The following C2CD3 variants were observed in gnomAD, a reference collection of about 807,000 sequenced individuals.
The protein encoded by C2CD3 is C2 domain-containing protein 3.
Under a neutral mutation model 234.0 loss-of-function variants are expected in C2CD3, and 148 were observed. That is an observed-to-expected ratio of 0.63 (90% confidence interval 0.55 to 0.72). The LOEUF (loss-of-function observed/expected upper bound fraction) is 0.72. Ranked by LOEUF, C2CD3 falls within the 30% of genes least tolerant of loss-of-function variation. The probability of loss-of-function intolerance (pLI) is 0.00; values close to 1 mark genes in which losing one functional copy is unlikely to be tolerated. For missense variants in C2CD3, 2,577 were observed against 2,811.5 expected, an observed-to-expected ratio of 0.92 and a Z score of 1.89; for synonymous variants, 1,000 against 1,035.4, an observed-to-expected ratio of 0.97 and a Z score of 0.66.
chr11:74,166,243 G>T (rs1221294360), intron 2 of C2CD3, among the ~76,000 whole-genome samples: 3 of 151,822 alleles, frequency 2.0e-5, no homozygotes, highest in African/African-American at 7.3e-5. Context: ...CCAGGAAGTG[G>T]GAGGCGGAGC....
At chr11:74,166,071 G>A (rs1203503188) in intron 2 of C2CD3, among the ~76,000 whole-genome samples, 1 of 152,070 alleles carries the variant, frequency 6.6e-6, no homozygotes, top group East Asian at 1.9e-4. Context: ...AGCACTTTGG[G>A]AGGCTGAGGC....
chr11:74,145,888 T>A (rs1855151190), intron 3 of C2CD3, among the ~76,000 whole-genome samples: 1 of 152,242 alleles, frequency 6.6e-6, no homozygotes, highest in Admixed American at 6.5e-5. Context: ...CACCTACCTA[T>A]ATGTCCTGAA....
chr11:74,040,652 A>G (rs997616389), intron 29 of C2CD3, among the ~76,000 whole-genome samples: 1 of 152,034 alleles, frequency 6.6e-6, no homozygotes, highest in African/African-American at 2.4e-5. Context: ...GCTACTTGGG[A>G]GTTTGAGGCA....
At chr11:74,042,840 C>T (rs1953140485) in intron 28 of C2CD3, among the ~76,000 whole-genome samples, 1 of 152,066 alleles carries the variant, frequency 6.6e-6, no homozygotes, top group African/African-American at 2.4e-5. Context: ...ATTTGGCGTC[C>T]TTATTATATG....
intron 31 of C2CD3, among the ~76,000 whole-genome samples, chr11:74,032,573 TA>T (rs1410027439): frequency 2.6e-5 from 4 of 152,148 alleles, no homozygotes; most frequent in Non-Finnish European, 4.4e-5. Flanking sequence ...CTTCCTTTTT[TA>T]AAAAAATTTA....
chr11:74,059,496 C>G (rs17132641), intron 24 of C2CD3, among the ~76,000 whole-genome samples: 11,070 of 151,174 alleles, frequency 0.073, 1,337 homozygotes, highest in African/African-American at 0.26. Context: ...ATCTTTGAGG[C>G]TCCACCCTTT....
chr11:74,133,712 C>T (rs1448875607), intron 5 of C2CD3, 155 bp from the exon 6 acceptor site: 5 of 692,334 alleles, frequency 7.2e-6, no homozygotes, highest in Non-Finnish European at 1.2e-5. Context: ...TCCTTGAGGA[C>T]ATTTACGCAA....
chr11:74,168,401 T>C lies in C2CD3; in HGVS notation c.268A>G (p.Thr90Ala). Residue 90 changes from threonine (T) to alanine (A), a missense_variant, in exon 2 of 33, where the codon ACA becomes GCA. Coordinates refer to ENST00000334126, the MANE Select transcript of C2CD3 (RefSeq NM_001286577.2). ...ALQTEPKAVR[T>A]TTRYAIRCGP... The stretch of plus-strand genomic sequence containing the variant: ...CAACGAATAGCGTAACGTGTAGTTG[T>C]TCTCACAGCTTTTGGTTCAGTCTGC... 2 of 1,614,086 alleles carry C rather than the reference T, an allele frequency of 1.2e-6. No homozygotes were observed. Among genetic ancestry groups the C allele is most frequent in the East Asian group, 4.5e-5 (2 of 44,884 alleles).
At chr11:74,099,640 T>C (rs1956237273) in intron 15 of C2CD3, among the ~76,000 whole-genome samples, 1 of 152,182 alleles carries the variant, frequency 6.6e-6, no homozygotes, top group Admixed American at 6.5e-5. Context: ...CTCATGCCTG[T>C]AACACCATAA....
intron 19 of C2CD3, 60 bp downstream of exon 19, chr11:74,092,356 T>A: frequency 6.8e-7 from 1 of 1,479,114 alleles, no homozygotes; most frequent in Non-Finnish European, 9.4e-7. Context: ...CACCCGGCTA[T>A]TTTATATATT....
intron 13 of C2CD3, 92 bp downstream of exon 13, chr11:74,106,279 T>C (rs1956514367): frequency 7.9e-7 from 1 of 1,261,710 alleles, no homozygotes; most frequent in South Asian, 1.4e-5. Flanking sequence ...ATCAAAGACC[T>C]TGCTTTTCTT....
chr11:74,148,031 A>C (rs867654726), intron 3 of C2CD3, among the ~76,000 whole-genome samples: 15 of 147,100 alleles, frequency 1.0e-4, no homozygotes, highest in African/African-American at 3.8e-4. Context: ...AAATTTTACA[A>C]ATGTCTTAAA....
At position 74,085,878 on chromosome 11, in the gene C2CD3, G is replaced by C. The variant is rs144597224; in HGVS notation, c.3650C>G (p.Ala1217Gly). Residue 1217 changes from alanine to glycine, a missense_variant, in exon 21 of 33, where the codon GCT (alanine) becomes GGT (glycine). Ala to Gly is a moderately conservative substitution (Grantham distance 60). Transcript: ENST00000334126. ...CGLQAAAKAL[A>G]EREPALQFSA... is the part of the protein sequence containing the mutation. ...AAACTGTAGAGCGGGTTCCCGTTCA[G>C]CCAAAGCCCTGTAGAGGAGAAGGGT... The C allele has an allele frequency of 5.2e-5, 84 of 1,612,116 alleles. No homozygotes were observed. In the African/African-American group the frequency reaches 1.0e-3, roughly 20 times the overall value.
rs1241740069 is a variant in C2CD3, at chr11:74,095,532, CACTT to C, written c.2980-128_2980-125del. ...TATAATTAGTTGATACTAAAATAGA[CACTT>C]AATTTTCATTGTAACTCTCACAACT... On this transcript the variant is annotated intron_variant, in intron 16 of 32. Transcript: ENST00000334126. 1.2e-4 allele frequency: 80 copies of C among 643,004 alleles called. No individual in the cohort carries two copies. In the African/African-American group the frequency reaches 1.3e-3, roughly 11 times the overall value. 39.8% of individuals were successfully genotyped at this position (643,004 alleles called of 1,614,324 possible).
intron 28 of C2CD3, among the ~76,000 whole-genome samples, chr11:74,043,053 T>C (rs1237432801): frequency 6.6e-6 from 1 of 152,230 alleles, no homozygotes; most frequent in East Asian, 1.9e-4. Flanking sequence ...TATTATTCAA[T>C]GGTTTTTAGT....
At chr11:74,139,363 T>C (rs1000939005) in intron 4 of C2CD3, among the ~76,000 whole-genome samples, 1 of 152,206 alleles carries the variant, frequency 6.6e-6, no homozygotes, top group South Asian at 2.1e-4. Flanking sequence ...CATTTATCTG[T>C]ATGTTGGCTT....
intron 2 of C2CD3, among the ~76,000 whole-genome samples, chr11:74,165,663 T>C (rs1036536121): frequency 1.3e-5 from 2 of 152,140 alleles, no homozygotes; most frequent in African/African-American, 4.8e-5. Flanking sequence ...TCATTTTCTT[T>C]CTTTTTTAGA....
rs60381365 is a variant in C2CD3, at chr11:74,081,604, T to TTCA, written c.4001-2890_4001-2888dup. On this transcript the variant is annotated intron_variant, in intron 22 of 32. Coordinates refer to ENST00000334126, the MANE Select transcript of C2CD3 (RefSeq NM_001286577.2). The stretch of plus-strand genomic sequence containing the variant: ...TAATGTAATGGATATTGCCATATTC[T>TTCA]TCATCATCATCATCATCATCACCAT... Among the ~76,000 whole-genome samples, 8 of 151,542 alleles carry TTCA rather than the reference T, an allele frequency of 5.3e-5. No individual in the cohort carries two copies. The Middle Eastern group carries it at 0.014, about 259-fold the overall frequency.
At chr11:74,086,034 C>T in intron 20 of C2CD3, 148 bp from the exon 21 acceptor site, 1 of 773,048 alleles carries the variant, frequency 1.3e-6, no homozygotes, top group Non-Finnish European at 2.0e-6. Context: ...GGCAGTGCCA[C>T]AATGGGCTTT....
Sources: gnomAD v4.1 joint callset for allele counts (sites outside exome capture counted in the v4.1 genomes callset) on GRCh38, gnomAD v4.1.1 for gene constraint, MANE v1.5 for transcripts, NCBI Gene and HGNC (gene_info 2026-07-23, HGNC 2026-07-21) for gene names.